The following ST6GALNAC6 variants were observed in gnomAD, a reference collection of about 807,000 sequenced individuals.
ST6GALNAC6 encodes ST6 N-acetylgalactosaminide alpha-2,6-sialyltransferase 6, also known as alpha-N-acetylgalactosaminide alpha-2,6-sialyltransferase 6.
Under a neutral mutation model 34.3 loss-of-function variants are expected in ST6GALNAC6, and 19 were observed. The observed-to-expected ratio is 0.55, with a 90% CI of 0.39 to 0.81. The LOEUF is 0.81. ST6GALNAC6 is among the 40% of genes least tolerant of loss of function. The probability of loss-of-function intolerance (pLI) is 0.00; values close to 1 mark genes in which losing one functional copy is unlikely to be tolerated. For missense variants in ST6GALNAC6, 377 were observed against 467.7 expected, an observed-to-expected ratio of 0.81 and a Z score of 1.79; for synonymous variants, 185 against 182.1, an observed-to-expected ratio of 1.02 and a Z score of -0.13.
At chr9:127,887,633 G>C in intron 5 of ST6GALNAC6, 42 bp from the exon 6 acceptor site, 1 of 1,527,124 alleles carries the variant, frequency 6.5e-7, no homozygotes, top group Non-Finnish European at 9.0e-7. Context: ...CATGCAGGGA[G>C]AGATGGGAGC....
rs1270783521 is a variant in ST6GALNAC6 at position 127,890,617 on chromosome 9, G to A, written c.704+20C>T. The A allele has an allele frequency of 2.5e-6, 4 of 1,612,938 alleles. No individual in the cohort carries two copies. Among genetic ancestry groups the A allele is most frequent in the Non-Finnish European group, 3.4e-6 (4 of 1,179,964 alleles). ...AAGGAGCACAGTGCTGGCCAGAGGG[G>A]GCAGGCAGGAGGCTGGTACCTGTCC... On this transcript the variant is annotated intron_variant, in intron 5 of 6. Transcript: ENST00000373146. The surrounding 1 kb of genome is among the most constrained non-coding windows in gnomAD (Gnocchi z 4.3).
intron 2 of ST6GALNAC6, 84 bp from the exon 3 acceptor site, chr9:127,896,416 A>C (rs1830458850): frequency 8.5e-7 from 1 of 1,182,654 alleles, no homozygotes; most frequent in South Asian, 1.4e-5. Context: ...GCCCCGCACT[A>C]GTTCTTCTAT....
upstream of ST6GALNAC6, among the ~76,000 whole-genome samples, chr9:127,902,280 TGCCGAGTAGCTGGGACTACAGGCGCGG>T (rs1830783872): frequency 6.6e-6 from 1 of 151,978 alleles, no homozygotes; most frequent in African/African-American, 2.4e-5. Context: ...TGCCTCAGCC[TGCCGAGTAGCTGGGACTACAGGCGCGG>T]GCCACCACGC....
intron 5 of ST6GALNAC6, among the ~76,000 whole-genome samples, chr9:127,889,538 G>A (rs930734602): frequency 2.0e-5 from 3 of 150,486 alleles, no homozygotes; most frequent in Admixed American, 1.3e-4. Flanking sequence ...CCACCTCCCC[G>A]GTTCAAGCAA....
chr9:127,891,925 G>T (rs540959280), intron 4 of ST6GALNAC6, among the ~76,000 whole-genome samples: 1 of 152,176 alleles, frequency 6.6e-6, no homozygotes, highest in South Asian at 2.1e-4. Context: ...GCTGAGGTGG[G>T]CGGATCACCT....
chr9:127,902,194 T>C (rs1252424480), upstream of ST6GALNAC6, among the ~76,000 whole-genome samples: 1 of 152,238 alleles, frequency 6.6e-6, no homozygotes. Flanking sequence ...AGTCTCGCTC[T>C]GTCACCCAGG....
At chr9:127,897,443 C>T (rs977693179) in intron 2 of ST6GALNAC6, 1 of 987,078 alleles carries the variant, frequency 1.0e-6, no homozygotes, top group Non-Finnish European at 1.2e-6. Flanking sequence ...TTGGCACACA[C>T]ACCTCGCTCC....
At chr9:127,902,637 G>A (rs1206401038), upstream of ST6GALNAC6, among the ~76,000 whole-genome samples, 1 of 150,720 alleles carries the variant, frequency 6.6e-6, no homozygotes, top group African/African-American at 2.4e-5. Flanking sequence ...TGCCCAGGCT[G>A]GAGTGCAATG....
chr9:127,903,306 C>G, upstream of ST6GALNAC6: 1 of 152,128 alleles, frequency 6.6e-6, no homozygotes. Flanking sequence ...CTTTGCTTGC[C>G]TTTTAAAAAT....
intron 4 of ST6GALNAC6, among the ~76,000 whole-genome samples, chr9:127,893,788 G>T (rs1454261396): frequency 6.6e-6 from 1 of 151,882 alleles, no homozygotes; most frequent in African/African-American, 2.4e-5. Flanking sequence ...TTCCTAGTGA[G>T]GGTGTGTCCA....
chr9:127,893,108 C>T (rs1349922225), intron 4 of ST6GALNAC6, among the ~76,000 whole-genome samples: 1 of 152,116 alleles, frequency 6.6e-6, no homozygotes, highest in Non-Finnish European at 1.5e-5. Context: ...TCTCTCTGAG[C>T]TGAGATGTGA....
upstream of ST6GALNAC6, among the ~76,000 whole-genome samples, chr9:127,900,480 A>C (rs1465750179): frequency 6.8e-6 from 1 of 148,048 alleles, no homozygotes; most frequent in East Asian, 2.0e-4. Context: ...GAATCGCTTG[A>C]ACCTGGGAGG....
chr9:127,891,497 A>G (rs55998027), intron 4 of ST6GALNAC6, among the ~76,000 whole-genome samples: 7,196 of 151,316 alleles, frequency 0.048, 268 homozygotes, highest in African/African-American at 0.1. Context: ...CGTGCCTGTA[A>G]TCACAGCTAC....
At chr9:127,894,431 A>G in intron 4 of ST6GALNAC6, 81 bp downstream of exon 4, 1 of 1,530,590 alleles carries the variant, frequency 6.5e-7, no homozygotes, top group Non-Finnish European at 8.8e-7. Flanking sequence ...CTCAGGGTCC[A>G]CCTTTCCTTT....
intron 1 of ST6GALNAC6, 42 bp downstream of exon 1, chr9:127,899,461 G>C: frequency 2.8e-4 from 141 of 501,624 alleles, no homozygotes; most frequent in Middle Eastern, 1.1e-3. Flanking sequence ...CCCCGCCTCC[G>C]CCCCCGCCCC....
chr9:127,905,905 T>A (rs373770553), upstream of ST6GALNAC6: 1 of 982,710 alleles, frequency 1.0e-6, no homozygotes, highest in East Asian at 1.1e-4. Flanking sequence ...CCCCTCCACC[T>A]CCGCCTACCA....
At chr9:127,886,846 C>A (rs1829792962) in intron 6 of ST6GALNAC6, 58 bp from the exon 7 acceptor site, 3 of 1,495,190 alleles carry the variant, frequency 2.0e-6, no homozygotes, top group South Asian at 2.7e-5. Flanking sequence ...GGGTCCTTGC[C>A]CTTTCAGCCC....
chr9:127,896,829 C>G (rs368509164), intron 2 of ST6GALNAC6: 2 of 980,372 alleles, frequency 2.0e-6, no homozygotes, highest in African/African-American at 3.5e-5. Flanking sequence ...AACTCCCCTA[C>G]GTCCTCCCAT....
chr9:127,891,010 C>T lies in ST6GALNAC6; in HGVS notation c.331G>A (p.Val111Ile). Residue 111 changes from valine (V) to isoleucine (I), a missense_variant, in exon 5 of 7, where the codon GTC becomes ATC. Val to Ile is a conservative substitution (Grantham distance 29). Coordinates refer to ENST00000373146, the MANE Select transcript of ST6GALNAC6 (RefSeq NM_013443.5). ...CCCAGCAGGTGGCTGGAGCTGCTGA[C>T]AATCACACACTGGTGGCACCGAGAG... ...LPSRCHQCVI[V>I]SSSSHLLGTK... is the part of the protein sequence containing the mutation. 6.2e-7 allele frequency: 1 copy of T among 1,614,042 alleles called. No individual in the cohort carries two copies. Among genetic ancestry groups the T allele is most frequent in the Non-Finnish European group, 8.5e-7 (1 of 1,180,024 alleles).
Sources: gnomAD v4.1 joint callset for allele counts (sites outside exome capture counted in the v4.1 genomes callset) on GRCh38, gnomAD v4.1.1 for gene constraint, Gnocchi (gnomAD v3.1) non-coding constraint, MANE v1.5 for transcripts, NCBI Gene and HGNC (gene_info 2026-07-23, HGNC 2026-07-21) for gene names.